Variants in ZFHX4 observed in about 807,000 individuals in gnomAD.
The protein encoded by ZFHX4 is zinc finger homeobox protein 4.
A neutral mutation model predicts 267.6 loss-of-function variants in ZFHX4; 56 were observed. That is an observed-to-expected ratio of 0.21 (90% confidence interval 0.17 to 0.26). ZFHX4 has a LOEUF of 0.26. Among genes scored for constraint, ZFHX4 ranks in the 10% least tolerant of loss-of-function variants. ZFHX4 has a pLI of 1.00. For synonymous variants in ZFHX4, 1,778 were observed against 1,665.6 expected, an observed-to-expected ratio of 1.07 and a Z score of -1.64; for missense variants, 4,332 against 4,420.0, an observed-to-expected ratio of 0.98 and a Z score of 0.56.
intron 10 of ZFHX4, among the ~76,000 whole-genome samples, chr8:76,862,576 G>A (rs1441349335): frequency 3.3e-5 from 5 of 152,170 alleles, no homozygotes; most frequent in Non-Finnish European, 7.3e-5. Flanking sequence ...TTTGTTCAAT[G>A]TAAGTGTATT....
At position 76,855,828 on chromosome 8, in the gene ZFHX4, C is replaced by T. The variant is rs1415662885; in HGVS notation, c.8907C>T (p.Pro2969=). The T allele has an allele frequency of 6.2e-7, 1 of 1,613,838 alleles. No individual in the cohort carries two copies. The highest frequency in any genetic ancestry group is 1.7e-5 in the Admixed American group (1 of 60,016). ...CEMLGNEIGL[P]KRVVQVWFQN... is the part of the protein sequence containing the mutation. Reference sequence around the variant, plus strand: ...TGTTAGGGAATGAGATTGGTCTGCCCAAACGCGTAGTCCAGGTGTGGTTCC... The same window carrying T: ...TGTTAGGGAATGAGATTGGTCTGCCTAAACGCGTAGTCCAGGTGTGGTTCC... The change falls in exon 10 of 11, where the codon CCC becomes CCT. Residue 2969 remains proline, a synonymous_variant. Coordinates refer to ENST00000651372, the MANE Select transcript of ZFHX4 (RefSeq NM_024721.5).
chr8:76,856,373 CG>C, intron 10 of ZFHX4, 73 bp downstream of exon 10: 1 of 1,539,550 alleles, frequency 6.5e-7, no homozygotes, highest in Non-Finnish European at 8.9e-7. Flanking sequence ...TAACCAAGAA[CG>C]GGGTGCCTTT....
intron 3 of ZFHX4, among the ~76,000 whole-genome samples, chr8:76,753,733 T>C (rs1424214338): frequency 6.8e-6 from 1 of 147,758 alleles, no homozygotes; most frequent in Non-Finnish European, 1.5e-5. Flanking sequence ...CAAGCTATTC[T>C]CTCATCTCAG....
chr8:76,782,099 AATTT>A, intron 4 of ZFHX4: 2 of 345,696 alleles, frequency 5.8e-6, no homozygotes, highest in East Asian at 9.2e-5. Flanking sequence ...TTCAGTTAAG[AATTT>A]TTTTTTTTTT....
intron 10 of ZFHX4, among the ~76,000 whole-genome samples, chr8:76,860,747 A>C (rs943538017): frequency 2.6e-5 from 4 of 152,186 alleles, no homozygotes; most frequent in Non-Finnish European, 5.9e-5. Flanking sequence ...TTTTATAATT[A>C]GATACTAATT....
In ZFHX4 at chr8:76,853,426, T is replaced by A. The variant is rs762587762; in HGVS notation, c.6505T>A (p.Ser2169Thr). The stretch of plus-strand genomic sequence containing the variant: ...GGAAATGGCAGAGAAATCTGGCCTC[T>A]CCCAAAAAGTTATCAAACACTGGTT... ...IQEMAEKSGL[S>T]QKVIKHWFRN... Residue 2169 changes from serine (S) to threonine (T), a missense_variant, in exon 10 of 11, where the codon TCC (serine) becomes ACC (threonine). Transcript: ENST00000651372. 4 of 1,613,788 alleles carry A rather than the reference T, an allele frequency of 2.5e-6. No homozygotes were observed. The highest frequency in any genetic ancestry group is 1.7e-5 in the Admixed American group (1 of 60,006).
chr8:76,863,659 G>A lies in ZFHX4; in HGVS notation c.9945G>A (p.Leu3315=). 6.2e-7 allele frequency: 1 copy of A among 1,609,102 alleles called. No individual in the cohort carries two copies. Among genetic ancestry groups the A allele is most frequent in the Non-Finnish European group, 8.5e-7 (1 of 1,177,410 alleles). Residue 3315 remains leucine (L), a synonymous_variant, in exon 11 of 11, where the codon CTG becomes CTA. Coordinates refer to ENST00000651372, the MANE Select transcript of ZFHX4 (RefSeq NM_024721.5). The part of the protein sequence containing the change: ...QTLAGLSPGA[L]LQQYQQYQQN... ...TGGCAGGTCTGTCCCCAGGTGCACTGTTGCAGCAGTACCAACAGTATCAGC... is the reference window on the plus strand; with the variant it reads ...TGGCAGGTCTGTCCCCAGGTGCACTATTGCAGCAGTACCAACAGTATCAGC...
intron 3 of ZFHX4, among the ~76,000 whole-genome samples, chr8:76,757,144 C>T (rs1440578111): frequency 6.6e-6 from 1 of 151,962 alleles, no homozygotes; most frequent in African/African-American, 2.4e-5. Flanking sequence ...ACAAGAGGCA[C>T]GAGGTTGGGC....
At chr8:76,730,583 C>T (rs1338422221) in intron 3 of ZFHX4, among the ~76,000 whole-genome samples, 1 of 151,950 alleles carries the variant, frequency 6.6e-6, no homozygotes, top group Non-Finnish European at 1.5e-5. Context: ...CCTGTAGTCC[C>T]AGATACTCGG....
At chr8:76,842,938 AT>A (rs2131917188) in intron 6 of ZFHX4, among the ~76,000 whole-genome samples, 167 bp downstream of exon 6, 1 of 152,222 alleles carries the variant, frequency 6.6e-6, no homozygotes, top group South Asian at 2.1e-4. Flanking sequence ...TTTGCATGTG[AT>A]TTCTATCAGT....
chr8:76,731,511 T>C (rs1437970654), intron 3 of ZFHX4, among the ~76,000 whole-genome samples: 7 of 152,200 alleles, frequency 4.6e-5, no homozygotes, highest in Admixed American at 1.3e-4. Flanking sequence ...TGTGATGCGA[T>C]GCAGCTATTA....
rs368805300 is a variant in ZFHX4, at chr8:76,726,042, C to T, written c.3093+17994C>T. ...AATGCTACATACCCTGTAAAGTCTT[C>T]GGGACACTGGTGTGAAGCCTTTGAG... is the stretch of plus-strand genomic sequence containing the variant. On this transcript the variant is annotated intron_variant, in intron 3 of 10. Coordinates refer to ENST00000651372, the MANE Select transcript of ZFHX4 (RefSeq NM_024721.5). Among the ~76,000 whole-genome samples, 136 of 152,142 alleles carry T rather than the reference C, an allele frequency of 8.9e-4. 4 individuals carry two copies. In the South Asian group the frequency reaches 0.025, roughly 28 times the overall value.
At chr8:76,849,245 A>T (rs969868431) in intron 7 of ZFHX4, 117 bp downstream of exon 7, 1 of 1,215,796 alleles carries the variant, frequency 8.2e-7, no homozygotes, top group African/African-American at 1.5e-5. Context: ...GCAATTGGCA[A>T]TGTAACTCTT....
chr8:76,712,997 A>G (rs1808466425), intron 3 of ZFHX4, among the ~76,000 whole-genome samples: 1 of 152,252 alleles, frequency 6.6e-6, no homozygotes, highest in Non-Finnish European at 1.5e-5. Context: ...GATTAAATAA[A>G]GAGGAGTTGG....
In ZFHX4 at chr8:76,704,459, T is replaced by A. The variant is rs1808190091; in HGVS notation, c.371T>A (p.Val124Glu). The change falls in exon 2 of 11, where the codon GTG becomes GAG. Residue 124 changes from valine (V) to glutamate (E), a missense_variant. Around this residue, in one of 7 missense-constraint regions of ZFHX4, gnomAD observed 1,195 missense variants for 1,173.6 expected, o/e 1.02. Coordinates refer to ENST00000651372, the MANE Select transcript of ZFHX4 (RefSeq NM_024721.5). ...ATCAGCGAGTTAGAGGACAGTGACG[T>A]GGAAAATCTAACAGGGGAGATCGTT... The part of the protein sequence containing the change: ...SEISELEDSD[V>E]ENLTGEIVYQ... 6.2e-7 allele frequency: 1 copy of A among 1,613,954 alleles called. No individual in the cohort carries two copies. The highest frequency in any genetic ancestry group is 1.3e-5 in the African/African-American group (1 of 75,024).
Position 76,855,902 on chromosome 8 carries a change from C to G in ZFHX4, c.8981C>G (p.Pro2994Arg). 1.2e-6 allele frequency: 2 copies of G among 1,613,844 alleles called. No homozygotes were observed. The highest frequency in any genetic ancestry group is 1.7e-6 in the Non-Finnish European group (2 of 1,179,836). The stretch of plus-strand genomic sequence containing the variant: ...AAATTTAAAATTAACATAGGGAAGC[C>G]TTTCATGATCAATCAAGGCGGAACG... ...EKKFKINIGK[P>R]FMINQGGTEG... is the part of the protein sequence containing the mutation. The change falls in exon 10 of 11, where the codon CCT becomes CGT. Residue 2994 changes from proline to arginine, a missense_variant. Coordinates refer to ENST00000651372, the MANE Select transcript of ZFHX4 (RefSeq NM_024721.5).
chr8:76,706,098 G>T lies in ZFHX4; in HGVS notation c.2010G>T (p.Pro670=), dbSNP rs190829881. 64 of 1,613,554 alleles carry T rather than the reference G, an allele frequency of 4.0e-5. No individual in the cohort carries two copies. The African/African-American group carries it at 7.6e-4, about 19-fold the overall frequency. Residue 670 remains proline (P), a synonymous_variant, in exon 2 of 11, where the codon CCG becomes CCT. Transcript: ENST00000651372. ...ATATGAAGGAGAAACACCCTGAGCC[G>T]GGTGGCTCTTGTGTTTATTGTAAGA... The part of the protein sequence containing the change: ...EAHMKEKHPE[P]GGSCVYCKTG...
chr8:76,705,116 C>T lies in ZFHX4; in HGVS notation c.1028C>T (p.Ser343Phe). The change falls in exon 2 of 11, where the codon TCT becomes TTT. Residue 343 changes from serine to phenylalanine, a missense_variant. Around this residue, in one of 7 missense-constraint regions of ZFHX4, gnomAD observed 1,195 missense variants for 1,173.6 expected, o/e 1.02. Transcript: ENST00000651372. ...ISFLEPKKST[S>F]VYPHFSTTNL... ...TTTCTGGAACCAAAAAAATCCACTT[C>T]TGTTTATCCCCATTTTTCTACTACA... 1 of 1,613,626 alleles carries T rather than the reference C, an allele frequency of 6.2e-7. No individual in the cohort carries two copies. The highest frequency in any genetic ancestry group is 8.5e-7 in the Non-Finnish European group (1 of 1,179,814).
At chr8:76,743,134 G>A (rs1407346434) in intron 3 of ZFHX4, among the ~76,000 whole-genome samples, 2 of 152,176 alleles carry the variant, frequency 1.3e-5, no homozygotes, top group Non-Finnish European at 2.9e-5. Flanking sequence ...GAATGTAAAG[G>A]AAGTTGAAAG....
Sources: allele counts gnomAD v4.1 joint callset (sites outside exome capture counted in the v4.1 genomes callset), GRCh38; gene constraint gnomAD v4.1.1; regional missense constraint gnomAD v4.1.1; transcripts MANE v1.5; gene names NCBI Gene and HGNC (gene_info 2026-07-23, HGNC 2026-07-21).